NRG2: variants seen among roughly 807,000 people sequenced by gnomAD.
NRG2 encodes the protein neuregulin 2, also known as pro-neuregulin-2, membrane-bound isoform.
NRG2 carries 27 observed loss-of-function variants against 73.9 expected under a neutral mutation model. That is an observed-to-expected ratio of 0.37 (90% CI 0.27 to 0.50). The LOEUF is 0.50. NRG2 is among the 20% of genes least tolerant of loss of function. The probability of loss-of-function intolerance (pLI) is 0.96; values close to 1 mark genes in which losing one functional copy is unlikely to be tolerated. For synonymous variants in NRG2, 532 were observed against 541.0 expected, an observed-to-expected ratio of 0.98 and a Z score of 0.23; for missense variants, 1,126 against 1,210.1, an observed-to-expected ratio of 0.93 and a Z score of 1.03.
At chr5:139,908,295 G>T (rs1361277634) in intron 1 of NRG2, among the ~76,000 whole-genome samples, 2 of 152,216 alleles carry the variant, frequency 1.3e-5, no homozygotes, top group Non-Finnish European at 2.9e-5. Flanking sequence ...ACTGGAATGT[G>T]CAGGATGGAT....
In NRG2 at chr5:139,851,617, GGGAGTCGCGAAGGGAGTCCAC is replaced by G; in HGVS notation, c.1738_1758del (p.Val580_Ser586del). The G allele has an allele frequency of 1.2e-6, 2 of 1,613,958 alleles. No individual in the cohort carries two copies. Among genetic ancestry groups the G allele is most frequent in the Non-Finnish European group, 1.7e-6 (2 of 1,179,966 alleles). On this transcript the variant is annotated inframe_deletion, in exon 9 of 10. Transcript: ENST00000361474. The surrounding 1 kb of genome is among the most constrained non-coding windows in gnomAD (Gnocchi z 4.2). ...GTAGGAACTGACCTCTCGCTGTGTG[GGGAGTCGCGAAGGGAGTCCAC>G]GGAATCGTGATAGGGTGGCGCGGTG...
intron 1 of NRG2, among the ~76,000 whole-genome samples, chr5:139,950,786 C>T (rs1265741343): frequency 6.6e-6 from 1 of 152,162 alleles, no homozygotes; most frequent in Non-Finnish European, 1.5e-5. Flanking sequence ...CCTGAATGGA[C>T]CACTCCTTTC....
chr5:139,985,620 C>T (rs1266846101), intron 1 of NRG2, among the ~76,000 whole-genome samples: 1 of 152,170 alleles, frequency 6.6e-6, no homozygotes, highest in African/African-American at 2.4e-5. Context: ...TGCATGCAGG[C>T]TTACATCCAC....
intron 1 of NRG2, among the ~76,000 whole-genome samples, chr5:140,035,670 T>A (rs1180981208): frequency 6.6e-6 from 1 of 152,204 alleles, no homozygotes; most frequent in East Asian, 1.9e-4. Context: ...CTCATTCAAT[T>A]CTGAGGAATG....
At chr5:139,886,972 C>T (rs1763910333) in intron 2 of NRG2, among the ~76,000 whole-genome samples, 1 of 152,198 alleles carries the variant, frequency 6.6e-6, no homozygotes, top group South Asian at 2.1e-4. Flanking sequence ...GGGTCTTTCA[C>T]CAAAGATTGC....
intron 1 of NRG2, among the ~76,000 whole-genome samples, chr5:139,939,258 TTCTTTTTCTTTC>T (rs1753200436): frequency 6.8e-6 from 1 of 147,466 alleles, no homozygotes; most frequent in African/African-American, 2.5e-5. Flanking sequence ...CTTTCTTTCT[TTCTTTTTCTTTC>T]TTTCTTTCTT....
At chr5:140,035,080 C>G (rs1219769723) in intron 1 of NRG2, among the ~76,000 whole-genome samples, 2 of 152,120 alleles carry the variant, frequency 1.3e-5, no homozygotes, top group Non-Finnish European at 2.9e-5. Context: ...GACAATATCA[C>G]CCTAATCTAC....
At chr5:140,034,019 C>T (rs985922992) in intron 1 of NRG2, among the ~76,000 whole-genome samples, 14 of 151,344 alleles carry the variant, frequency 9.3e-5, no homozygotes, top group South Asian at 6.3e-4. Context: ...AGTGCAGTGG[C>T]GCGATCTTGG....
chr5:139,889,453 G>A (rs1210917157), intron 1 of NRG2, among the ~76,000 whole-genome samples: 4 of 152,082 alleles, frequency 2.6e-5, no homozygotes, highest in Admixed American at 2.6e-4. Context: ...GTCTTTCTAG[G>A]AGATAATCAA....
intron 1 of NRG2, among the ~76,000 whole-genome samples, chr5:139,980,184 G>A (rs1184255259): frequency 6.6e-6 from 1 of 152,082 alleles, no homozygotes; most frequent in Non-Finnish European, 1.5e-5. Flanking sequence ...CCCCACACTG[G>A]AAACAGCTCA....
intron 1 of NRG2, among the ~76,000 whole-genome samples, chr5:140,022,098 C>T (rs753765738): frequency 6.6e-6 from 1 of 152,208 alleles, no homozygotes; most frequent in Non-Finnish European, 1.5e-5. Flanking sequence ...CTAACTAGAA[C>T]CACCTGTCAT....
At position 139,960,093 on chromosome 5, in the gene NRG2, C is replaced by T. The variant is rs191818776; in HGVS notation, c.701-72582G>A. 1.2e-3 allele frequency among the ~76,000 whole-genome samples: 176 copies of T among 152,312 alleles called. 1 individual carries two copies. Among genetic ancestry groups the T allele is most frequent in the African/African-American group, 4.1e-3 (169 of 41,568 alleles). On this transcript the variant is annotated intron_variant, in intron 1 of 9. Coordinates refer to ENST00000361474, the MANE Select transcript of NRG2 (RefSeq NM_004883.3). ...GGGAATTCATTCCACACATCAATTG[C>T]CACTAAATGAGGAAGAAAGGGAAGA...
At chr5:139,882,086 T>G (rs1201637530) in intron 2 of NRG2, among the ~76,000 whole-genome samples, 1 of 152,150 alleles carries the variant, frequency 6.6e-6, no homozygotes, top group Non-Finnish European at 1.5e-5. Context: ...CTCTTTTTAG[T>G]GCTGAATTAA....
chr5:139,981,048 A>G (rs1194127032), intron 1 of NRG2, among the ~76,000 whole-genome samples: 1 of 152,198 alleles, frequency 6.6e-6, no homozygotes, highest in Non-Finnish European at 1.5e-5. Context: ...CAACAGTGGC[A>G]GCAGCTTCCT....
intron 5 of NRG2, among the ~76,000 whole-genome samples, chr5:139,858,433 T>C (rs1406297121): frequency 6.6e-6 from 1 of 152,180 alleles, no homozygotes; most frequent in African/African-American, 2.4e-5. Context: ...AGCCAGGCAC[T>C]ATCCCATTAC....
At chr5:139,926,468 C>T (rs986269843) in intron 1 of NRG2, among the ~76,000 whole-genome samples, 1 of 151,946 alleles carries the variant, frequency 6.6e-6, no homozygotes. Context: ...AGGTAGCCAC[C>T]CCTTTCTGAT....
chr5:139,904,257 C>T lies in NRG2; in HGVS notation c.701-16746G>A, dbSNP rs1252919334. On this transcript the variant is annotated intron_variant, in intron 1 of 9. Coordinates refer to ENST00000361474, the MANE Select transcript of NRG2 (RefSeq NM_004883.3). This position sits in a 1 kb window ranked among gnomAD's most constrained non-coding sequence, Gnocchi z 6.0. ...GCGCTGGGGGCGGGTGAGCGGGCGG[C>T]AGGTTTCTCCCAGGGAAACCGGGTT... 2.2e-5 allele frequency: 34 copies of T among 1,559,730 alleles called. No homozygotes were observed. The highest frequency in any genetic ancestry group is 2.7e-5 in the Non-Finnish European group (31 of 1,161,302).
Position 139,904,938 on chromosome 5 carries a change from C to T in NRG2, c.701-17427G>A, listed in dbSNP as rs1765138720. 6.6e-6 allele frequency among the ~76,000 whole-genome samples: 1 copy of T among 152,204 alleles called. No individual in the cohort carries two copies. Among genetic ancestry groups the T allele is most frequent in the African/African-American group, 2.4e-5 (1 of 41,458 alleles). ...CGGCCGTACAGGCGGGTTGCCTGTG[C>T]CTCTCATGCCTGCAGGTCTGGCCTC... On this transcript the variant is annotated intron_variant, in intron 1 of 9. Transcript: ENST00000361474. This position sits in a 1 kb window ranked among gnomAD's most constrained non-coding sequence, Gnocchi z 6.0.
At position 139,904,168 on chromosome 5, in the gene NRG2, G is replaced by A. The variant is rs1399542930; in HGVS notation, c.701-16657C>T. 1.2e-6 allele frequency: 1 copy of A among 809,398 alleles called. No homozygotes were observed. Among genetic ancestry groups the A allele is most frequent in the Non-Finnish European group, 1.7e-6 (1 of 585,606 alleles). 50.1% of individuals were successfully genotyped at this position (809,398 alleles called of 1,614,324 possible). ...GCCGCGACGACCCGCTCGCACGCAGGCACGCGCGCCCTCGGTGCCTGTCAC... is the reference window on the plus strand; with the variant it reads ...GCCGCGACGACCCGCTCGCACGCAGACACGCGCGCCCTCGGTGCCTGTCAC... On this transcript the variant is annotated intron_variant, in intron 1 of 9. Transcript: ENST00000361474. This position sits in a 1 kb window ranked among gnomAD's most constrained non-coding sequence, Gnocchi z 6.0.
Sources: allele counts gnomAD v4.1 joint callset (sites outside exome capture counted in the v4.1 genomes callset), GRCh38; gene constraint gnomAD v4.1.1; non-coding constraint Gnocchi (gnomAD v3.1); transcripts MANE v1.5; gene names NCBI Gene and HGNC (gene_info 2026-07-23, HGNC 2026-07-21).